The following KAZN variants were observed in gnomAD, a reference collection of about 807,000 sequenced individuals.
KAZN encodes kazrin.
KAZN carries 40 observed loss-of-function variants against 87.4 expected under a neutral mutation model. The observed-to-expected ratio is 0.46, with a 90% CI of 0.36 to 0.60. The LOEUF (loss-of-function observed/expected upper bound fraction) is 0.60, where lower values mean the gene tolerates loss of function less well. KAZN is among the 20% of genes least tolerant of loss of function. KAZN has a pLI of 0.00. For missense variants in KAZN, 898 were observed against 1,073.9 expected (o/e 0.84, Z 2.29); for synonymous variants, 466 against 458.3 (o/e 1.02, Z -0.22).
At chr1:14,224,070 T>C (rs1007124133) in intron 2 of KAZN, among the ~76,000 whole-genome samples, 2 of 152,158 alleles carry the variant, frequency 1.3e-5, no homozygotes, top group African/African-American at 4.8e-5. Flanking sequence ...TTCAACAATA[T>C]ACTTCCATGG....
chr1:15,020,947 T>C (rs1182966235), intron 2 of KAZN, among the ~76,000 whole-genome samples: 1 of 152,108 alleles, frequency 6.6e-6, no homozygotes, highest in Non-Finnish European at 1.5e-5. Context: ...GCAGCCTCTC[T>C]CCTCTCTTGT....
At chr1:14,961,682 CA>C (rs1445510481) in intron 2 of KAZN, among the ~76,000 whole-genome samples, 2 of 152,234 alleles carry the variant, frequency 1.3e-5, no homozygotes, top group Non-Finnish European at 2.9e-5. Flanking sequence ...TAAGCCCCCT[CA>C]GTGTCTTTGC....
intron 1 of KAZN, among the ~76,000 whole-genome samples, chr1:14,894,777 G>T (rs1655086459): frequency 6.6e-6 from 1 of 152,270 alleles, no homozygotes; most frequent in Non-Finnish European, 1.5e-5. Context: ...TCTCCTTGCA[G>T]ATTTCTCCAG....
intron 1 of KAZN, among the ~76,000 whole-genome samples, chr1:14,712,953 A>T (rs2100218223): frequency 6.6e-6 from 1 of 152,234 alleles, no homozygotes; most frequent in Non-Finnish European, 1.5e-5. Flanking sequence ...TTCCCTATAG[A>T]TGCTCATGTA....
intron 10 of KAZN, among the ~76,000 whole-genome samples, chr1:15,101,057 G>A (rs921698837): frequency 7.9e-5 from 12 of 152,138 alleles, no homozygotes; most frequent in Admixed American, 3.3e-4. Flanking sequence ...TCTGCTCCCC[G>A]CCCCTGCGCC....
At chr1:14,978,965 C>T (rs531681479) in intron 2 of KAZN, among the ~76,000 whole-genome samples, 6 of 151,852 alleles carry the variant, frequency 4.0e-5, no homozygotes, top group African/African-American at 7.3e-5. Context: ...AGTGCAATGG[C>T]GCAATCTCGG....
chr1:14,188,231 G>GTGTGTGTC (rs1231464247), intron 2 of KAZN, among the ~76,000 whole-genome samples: 1 of 147,592 alleles, frequency 6.8e-6, no homozygotes, highest in African/African-American at 2.5e-5. Context: ...GTGTGTGTGT[G>GTGTGTGTC]TGTGTGAAAG....
At chr1:14,947,205 G>A (rs750497520) in intron 1 of KAZN, among the ~76,000 whole-genome samples, 2 of 152,244 alleles carry the variant, frequency 1.3e-5, no homozygotes, top group Non-Finnish European at 2.9e-5. Context: ...GTCATGAGGT[G>A]GTGGATGTAA....
chr1:14,328,752 A>T (rs1401267002), intron 2 of KAZN, among the ~76,000 whole-genome samples: 11 of 98,010 alleles, frequency 1.1e-4, no homozygotes, highest in African/African-American at 5.6e-4. Flanking sequence ...CTAACTGAAA[A>T]AAAAAAAAAA....
intron 1 of KAZN, among the ~76,000 whole-genome samples, chr1:14,060,391 G>C (rs569161670): frequency 1.3e-5 from 2 of 151,468 alleles, no homozygotes; most frequent in East Asian, 3.9e-4. Context: ...AAAGAATGAG[G>C]GTTTCATGTT....
chr1:14,524,654 G>A (rs1472777574), intron 2 of KAZN, among the ~76,000 whole-genome samples: 3 of 152,138 alleles, frequency 2.0e-5, no homozygotes, highest in African/African-American at 4.8e-5. Context: ...AGTCTGCCAC[G>A]ACTGTGCTTT....
chr1:14,789,760 CAAAAAAAAAAAAAAAAAAA>C (rs3032757), intron 1 of KAZN, among the ~76,000 whole-genome samples: 6 of 46,252 alleles, frequency 1.3e-4, no homozygotes, highest in Admixed American at 3.6e-4. Flanking sequence ...TCCTCATTAC[CAAAAAAAAAAAAAAAAAAA>C]AAAAAAAAAA....
chr1:14,930,268 C>T (rs1659659920), intron 1 of KAZN, among the ~76,000 whole-genome samples: 1 of 152,204 alleles, frequency 6.6e-6, no homozygotes, highest in Admixed American at 6.5e-5. Context: ...CTGGCTCAGG[C>T]TCCCAGCTAG....
chr1:14,575,292 G>A (rs1350027256), intron 2 of KAZN, among the ~76,000 whole-genome samples: 1 of 152,102 alleles, frequency 6.6e-6, no homozygotes, highest in Non-Finnish European at 1.5e-5. Flanking sequence ...AAGAAAAAAA[G>A]ATTTAATGGA....
intron 8 of KAZN, among the ~76,000 whole-genome samples, chr1:15,074,448 C>T (rs1275319919): frequency 6.6e-6 from 1 of 152,148 alleles, no homozygotes; most frequent in Non-Finnish European, 1.5e-5. Context: ...GTGAAGGAGT[C>T]ACTCCTCATG....
chr1:14,697,954 G>C (rs1641709184), intron 1 of KAZN, among the ~76,000 whole-genome samples: 1 of 152,188 alleles, frequency 6.6e-6, no homozygotes. Flanking sequence ...TTGGAAGTAG[G>C]AGAAATGGGG....
At chr1:14,226,717 A>G (rs1276508018) in intron 2 of KAZN, among the ~76,000 whole-genome samples, 1 of 152,206 alleles carries the variant, frequency 6.6e-6, no homozygotes, top group African/African-American at 2.4e-5. Context: ...AATACTACAT[A>G]GCCATAAAAA....
chr1:14,767,877 G>C (rs970995492), intron 1 of KAZN, among the ~76,000 whole-genome samples: 1 of 152,168 alleles, frequency 6.6e-6, no homozygotes, highest in Non-Finnish European at 1.5e-5. Context: ...GTGGAATACA[G>C]GACTGCAGAG....
intron 1 of KAZN, among the ~76,000 whole-genome samples, chr1:14,689,298 A>G (rs920261452): frequency 6.6e-5 from 10 of 152,338 alleles, no homozygotes; most frequent in Admixed American, 6.5e-4. Flanking sequence ...AAACTTACAG[A>G]GAGCTACTCA....
Sources: gnomAD v4.1 joint callset for allele counts (sites outside exome capture counted in the v4.1 genomes callset) on GRCh38, gnomAD v4.1.1 for gene constraint, MANE v1.5 for transcripts, NCBI Gene and HGNC (gene_info 2026-07-23, HGNC 2026-07-21) for gene names.